The following MPP7 variants were observed in gnomAD, a reference collection of about 807,000 sequenced individuals.
MPP7 encodes MAGUK p55 subfamily member 7.
MPP7 carries 60 observed loss-of-function variants against 76.5 expected under a neutral mutation model. The ratio of observed to expected loss-of-function variants is 0.78; its 90% CI spans 0.64 to 0.97. The LOEUF (loss-of-function observed/expected upper bound fraction) is 0.97. Among genes scored for constraint, MPP7 ranks in the 50% least tolerant of loss-of-function variants. MPP7 has a pLI of 0.00. For missense variants in MPP7, 641 were observed against 694.0 expected (o/e 0.92, Z 0.86); for synonymous variants, 237 against 244.5 (o/e 0.97, Z 0.29).
intron 8 of MPP7, among the ~76,000 whole-genome samples, chr10:28,123,137 T>C (rs1267342662): frequency 6.6e-6 from 1 of 152,238 alleles, no homozygotes; most frequent in African/African-American, 2.4e-5. Context: ...TTTTCATATA[T>C]ACAGAGATCT....
At chr10:28,295,021 T>C (rs1251727203) in intron 1 of MPP7, among the ~76,000 whole-genome samples, 3 of 152,076 alleles carry the variant, frequency 2.0e-5, no homozygotes, top group African/African-American at 7.2e-5. Context: ...TTAGAACTTA[T>C]TAGAAATGCA....
intron 1 of MPP7, among the ~76,000 whole-genome samples, chr10:28,270,413 C>A (rs1413754116): frequency 6.6e-6 from 1 of 151,408 alleles, no homozygotes; most frequent in African/African-American, 2.4e-5. Flanking sequence ...GAAGCCAGGG[C>A]AGTGGCACCC....
intron 11 of MPP7, among the ~76,000 whole-genome samples, chr10:28,102,172 G>C (rs114183746): frequency 4.6e-5 from 7 of 152,058 alleles, no homozygotes. Context: ...TTAAGAGATA[G>C]GGTTTTGCTC....
intron 11 of MPP7, among the ~76,000 whole-genome samples, chr10:28,117,367 T>C (rs980614800): frequency 6.6e-6 from 1 of 152,134 alleles, no homozygotes; most frequent in East Asian, 1.9e-4. Context: ...ATAGAATTAT[T>C]CTTCCTTTAT....
At chr10:28,193,093 G>A (rs536676887) in intron 3 of MPP7, among the ~76,000 whole-genome samples, 1 of 152,214 alleles carries the variant, frequency 6.6e-6, no homozygotes, top group African/African-American at 2.4e-5. Flanking sequence ...AACTCAAGGT[G>A]GACAATAGAG....
At chr10:28,321,253 A>C (rs1322417580) in intron 2 of MPP7, among the ~76,000 whole-genome samples, 1 of 152,254 alleles carries the variant, frequency 6.6e-6, no homozygotes. Flanking sequence ...AATTTTAGAT[A>C]TGAAAATAGA....
intron 1 of MPP7, among the ~76,000 whole-genome samples, chr10:28,300,845 G>A (rs989825510): frequency 6.6e-6 from 1 of 151,126 alleles, no homozygotes; most frequent in African/African-American, 2.4e-5. Flanking sequence ...TGTAGTCCCA[G>A]CTACTCAAGA....
chr10:28,219,495 T>C (rs1463645179), intron 2 of MPP7, among the ~76,000 whole-genome samples: 1 of 152,140 alleles, frequency 6.6e-6, no homozygotes, highest in Non-Finnish European at 1.5e-5. Context: ...ATTCTTGTCA[T>C]ATCCCTCATA....
At chr10:28,276,247 T>C (rs1366979219) in intron 1 of MPP7, among the ~76,000 whole-genome samples, 1 of 151,948 alleles carries the variant, frequency 6.6e-6, no homozygotes, top group Non-Finnish European at 1.5e-5. Flanking sequence ...GCCAGACTGG[T>C]CTCGAACTCC....
At chr10:28,118,630 G>A (rs1445002422) in intron 11 of MPP7, 2 of 985,176 alleles carry the variant, frequency 2.0e-6, no homozygotes, top group African/African-American at 1.7e-5. Flanking sequence ...GATGTCAGAA[G>A]ACTTGTAGCA....
At chr10:28,314,086 T>C (rs939999948) in intron 2 of MPP7, among the ~76,000 whole-genome samples, 2 of 152,126 alleles carry the variant, frequency 1.3e-5, no homozygotes, top group African/African-American at 4.8e-5. Flanking sequence ...TATTCTAATT[T>C]CCACACTATT....
chr10:28,064,433 G>C (rs1411272876), intron 13 of MPP7, among the ~76,000 whole-genome samples: 1 of 152,208 alleles, frequency 6.6e-6, no homozygotes, highest in Non-Finnish European at 1.5e-5. Flanking sequence ...ACGCAGATCA[G>C]TGTTGCCTGG....
chr10:28,301,254 A>G (rs1489739618), intron 1 of MPP7, among the ~76,000 whole-genome samples: 1 of 152,196 alleles, frequency 6.6e-6, no homozygotes, highest in African/African-American at 2.4e-5. Context: ...TTCCTTCTGC[A>G]TATCAATTAT....
chr10:28,214,790 A>AC (rs1216618216), intron 2 of MPP7, among the ~76,000 whole-genome samples: 1 of 152,096 alleles, frequency 6.6e-6, no homozygotes, highest in African/African-American at 2.4e-5. Context: ...TCCCAGAAAG[A>AC]CCCCCTTCTT....
chr10:28,334,242 G>A (rs1834496241), intron 1 of MPP7, among the ~76,000 whole-genome samples: 1 of 151,902 alleles, frequency 6.6e-6, no homozygotes, highest in African/African-American at 2.4e-5. Flanking sequence ...TCAAGGAGGT[G>A]AGATGAAGGA....
chr10:28,120,691 G>A (rs1182321914), intron 8 of MPP7, 23 bp from the exon 9 acceptor site: 37 of 1,594,186 alleles, frequency 2.3e-5, no homozygotes, highest in Non-Finnish European at 2.6e-5. Context: ...AAAACAAGGA[G>A]TTATAAGAAA....
chr10:28,149,898 C>A, intron 4 of MPP7, 84 bp downstream of exon 4: 1 of 903,832 alleles, frequency 1.1e-6, no homozygotes, highest in Non-Finnish European at 1.7e-6. Flanking sequence ...TAGGATCACA[C>A]GCATCTGTCT....
At chr10:28,182,471 T>C (rs748312148) in intron 3 of MPP7, among the ~76,000 whole-genome samples, 2 of 152,220 alleles carry the variant, frequency 1.3e-5, no homozygotes, top group Non-Finnish European at 2.9e-5. Context: ...GTGTAAGATG[T>C]ATATATTTAT....
intron 13 of MPP7, 24 bp from the exon 14 acceptor site, chr10:28,059,767 T>C (rs752581799): frequency 6.5e-6 from 10 of 1,530,006 alleles, no homozygotes; most frequent in East Asian, 4.5e-5. Flanking sequence ...AAAAGGAGTT[T>C]AGAAAAGCCC....
Sources: gnomAD v4.1 joint callset for allele counts (sites outside exome capture counted in the v4.1 genomes callset) on GRCh38, gnomAD v4.1.1 for gene constraint, MANE v1.5 for transcripts, NCBI Gene and HGNC (gene_info 2026-07-23, HGNC 2026-07-21) for gene names.